The following NELL1 variants were observed in gnomAD, a reference collection of about 807,000 sequenced individuals.
NELL1 encodes protein kinase C-binding protein NELL1.
NELL1 carries 76 observed loss-of-function variants against 107.4 expected under a neutral mutation model. That is an observed-to-expected ratio of 0.71 (90% confidence interval 0.59 to 0.86). The LOEUF (loss-of-function observed/expected upper bound fraction) is 0.86, where lower values mean the gene tolerates loss of function less well. NELL1 is among the 40% of genes least tolerant of loss of function. The pLI is 0.00. For synonymous variants in NELL1, 353 were observed against 341.2 expected (o/e 1.03, Z -0.38); for missense variants, 1,024 against 1,005.5 (o/e 1.02, Z -0.25).
At chr11:21,472,761 CA>C (rs1421859302) in intron 15 of NELL1, among the ~76,000 whole-genome samples, 1 of 151,778 alleles carries the variant, frequency 6.6e-6, no homozygotes, top group East Asian at 1.9e-4. Context: ...TAGGTAGAAA[CA>C]ATCAAATAGG....
chr11:20,891,330 C>A (rs868151366), intron 5 of NELL1, among the ~76,000 whole-genome samples: 2 of 152,154 alleles, frequency 1.3e-5, no homozygotes, highest in South Asian at 4.1e-4. Context: ...TTTGTTACCA[C>A]CAGGCCTGCC....
chr11:20,741,972 T>C (rs1482040886), intron 2 of NELL1, among the ~76,000 whole-genome samples: 1 of 152,202 alleles, frequency 6.6e-6, no homozygotes, highest in African/African-American at 2.4e-5. Context: ...GCATTCTGCA[T>C]TTCTAACAAG....
At chr11:20,956,645 C>CA (rs541321546) in intron 11 of NELL1, among the ~76,000 whole-genome samples, 7,599 of 89,222 alleles carry the variant, frequency 0.085, 385 homozygotes, top group African/African-American at 0.18. Context: ...GACTCCATCT[C>CA]AAAAAAAAAA....
intron 13 of NELL1, among the ~76,000 whole-genome samples, chr11:21,156,274 T>G (rs1392256125): frequency 6.6e-6 from 1 of 152,166 alleles, no homozygotes; most frequent in Non-Finnish European, 1.5e-5. Flanking sequence ...GAATTGGAAA[T>G]CATACGTTTT....
In NELL1 at chr11:21,179,279, G is replaced by A. The variant is rs1011820554; in HGVS notation, c.1427-50053G>A. ...GCAAGTGGTCTAGCAGAAATTTCGT[G>A]TAGAGGAAATAATATATTTGGAAGG... On this transcript the variant is annotated intron_variant, in intron 13 of 19. Transcript: ENST00000357134. Among the ~76,000 whole-genome samples the A allele has an allele frequency of 7.2e-5, 11 of 151,924 alleles. 1 individual carries two copies. The highest frequency in any genetic ancestry group is 2.2e-4 in the African/African-American group (9 of 41,182).
intron 12 of NELL1, among the ~76,000 whole-genome samples, chr11:21,076,404 A>T (rs1854137355): frequency 6.6e-6 from 1 of 152,198 alleles, no homozygotes; most frequent in African/African-American, 2.4e-5. Flanking sequence ...GGCAAGGCTG[A>T]TGGAGAAAGT....
At chr11:21,125,300 T>G (rs1855462649) in intron 13 of NELL1, among the ~76,000 whole-genome samples, 1 of 152,182 alleles carries the variant, frequency 6.6e-6, no homozygotes, top group Non-Finnish European at 1.5e-5. Context: ...CATTCCGGTC[T>G]TCCCCCTACC....
chr11:20,981,729 A>G (rs7482901), intron 12 of NELL1, among the ~76,000 whole-genome samples: 16,856 of 151,494 alleles, frequency 0.11, 1,137 homozygotes, highest in East Asian at 0.26. Flanking sequence ...GATGTGTGGT[A>G]GATTCATTAA....
chr11:21,044,329 G>A (rs1853306014), intron 12 of NELL1, among the ~76,000 whole-genome samples: 2 of 152,160 alleles, frequency 1.3e-5, no homozygotes, highest in Admixed American at 1.3e-4. Flanking sequence ...TGGTGACCTT[G>A]TTGAAGCAGT....
At chr11:20,809,445 C>A (rs1215744848) in intron 3 of NELL1, among the ~76,000 whole-genome samples, 2 of 152,130 alleles carry the variant, frequency 1.3e-5, no homozygotes, top group Non-Finnish European at 2.9e-5. Context: ...AGTTATCCAA[C>A]TATAAAATAG....
intron 12 of NELL1, among the ~76,000 whole-genome samples, chr11:21,032,440 A>T (rs957560997): frequency 6.6e-6 from 1 of 152,076 alleles, no homozygotes; most frequent in African/African-American, 2.4e-5. Flanking sequence ...CCCAGGCTGG[A>T]GTGCAGTGGC....
chr11:20,802,613 A>G (rs1042937041), intron 3 of NELL1, among the ~76,000 whole-genome samples: 1 of 152,226 alleles, frequency 6.6e-6, no homozygotes, highest in Non-Finnish European at 1.5e-5. Context: ...GTTGAATAAC[A>G]GTGGTGAAGG....
intron 13 of NELL1, among the ~76,000 whole-genome samples, chr11:21,154,811 G>A (rs1371938120): frequency 6.6e-6 from 1 of 152,054 alleles, no homozygotes; most frequent in African/African-American, 2.4e-5. Flanking sequence ...AAATTAATTT[G>A]GGAAAAATAT....
intron 13 of NELL1, among the ~76,000 whole-genome samples, chr11:21,165,719 C>T (rs1364498921): frequency 1.3e-5 from 2 of 148,790 alleles, no homozygotes; most frequent in African/African-American, 5.0e-5. Flanking sequence ...GGAACAAATA[C>T]ACTCTGGAGT....
In NELL1 at chr11:20,934,550, A is replaced by G. The variant is rs140477569; in HGVS notation, c.998-3236A>G. On this transcript the variant is annotated intron_variant, in intron 9 of 19. Transcript: ENST00000357134. ...CAAAGGGGAAGAGAGGATTTGGACA[A>G]GTGCCTTAAGGCAGGTGATCAAATG... Among the ~76,000 whole-genome samples the G allele has an allele frequency of 3.0e-3, 454 of 152,338 alleles. 3 individuals carry two copies. The highest frequency in any genetic ancestry group is 6.8e-3 in the Middle Eastern group (2 of 294).
chr11:21,116,228 G>A lies in NELL1; in HGVS notation c.1426+2514G>A, dbSNP rs1385728840. Among the ~76,000 whole-genome samples, 3 of 151,858 alleles carry A rather than the reference G, an allele frequency of 2.0e-5. No individual in the cohort carries two copies. The East Asian group carries it at 5.8e-4, about 29-fold the overall frequency. ...AAGCACATGTTTTCTTGGCTTTTGT[G>A]CCATCCTATTTCCTGGTTTTCCCTC... On this transcript the variant is annotated intron_variant, in intron 13 of 19. Transcript: ENST00000357134.
chr11:21,083,112 A>G (rs1854307588), intron 12 of NELL1, among the ~76,000 whole-genome samples: 2 of 152,348 alleles, frequency 1.3e-5, no homozygotes, highest in African/African-American at 4.8e-5. Context: ...TGGCTGAAGT[A>G]GAGAGAAAGG....
At chr11:21,210,774 T>C (rs75362175) in intron 13 of NELL1, among the ~76,000 whole-genome samples, 9,602 of 152,194 alleles carry the variant, frequency 0.063, 384 homozygotes, top group Non-Finnish European at 0.095. Flanking sequence ...GATAAATAAA[T>C]GGGGATATCA....
At chr11:21,092,185 T>C (rs1399004483) in intron 12 of NELL1, among the ~76,000 whole-genome samples, 1 of 152,168 alleles carries the variant, frequency 6.6e-6, no homozygotes, top group Non-Finnish European at 1.5e-5. Flanking sequence ...TTTTGGTCAA[T>C]AGCAGCTTGG....
Sources: gnomAD v4.1 joint callset for allele counts (sites outside exome capture counted in the v4.1 genomes callset) on GRCh38, gnomAD v4.1.1 for gene constraint, MANE v1.5 for transcripts, NCBI Gene and HGNC (gene_info 2026-07-23, HGNC 2026-07-21) for gene names.